Variants in ATAD2B observed in about 807,000 individuals in gnomAD.
ATAD2B encodes the protein ATPase family AAA domain containing 2B, also known as ATPase family AAA domain-containing protein 2B.
ATAD2B carries 40 observed loss-of-function variants against 167.6 expected under a neutral mutation model. The observed-to-expected ratio is 0.24, with a 90% CI of 0.19 to 0.31. ATAD2B has a LOEUF of 0.31. ATAD2B is among the 10% of genes least tolerant of loss of function. The probability of loss-of-function intolerance (pLI) is 1.00; values close to 1 mark genes in which losing one functional copy is unlikely to be tolerated. For missense variants in ATAD2B, 1,242 were observed against 1,757.2 expected (o/e 0.71, Z 5.24); for synonymous variants, 579 against 596.5 (o/e 0.97, Z 0.43).
At chr2:23,773,252 T>C (rs1375327541) in intron 22 of ATAD2B, among the ~76,000 whole-genome samples, 1 of 152,162 alleles carries the variant, frequency 6.6e-6, no homozygotes, top group African/African-American at 2.4e-5. Flanking sequence ...ACATCTGTAA[T>C]CTCAACACTT....
chr2:23,711,603 T>G, the ATAD2B span, among the ~76,000 whole-genome samples: 1 of 152,002 alleles, frequency 6.6e-6, no homozygotes, highest in African/African-American at 2.4e-5. Flanking sequence ...ATTCCTGACC[T>G]CAGGTGATCT....
At chr2:23,724,328 G>A in the ATAD2B span, among the ~76,000 whole-genome samples, 1 of 152,074 alleles carries the variant, frequency 6.6e-6, no homozygotes, top group African/African-American at 2.4e-5. Flanking sequence ...TAATTACCCT[G>A]ATCTGATCAC....
chr2:23,686,995 A>T, the ATAD2B span, among the ~76,000 whole-genome samples: 1 of 152,126 alleles, frequency 6.6e-6, no homozygotes, highest in Non-Finnish European at 1.5e-5. Flanking sequence ...AATCATAGAG[A>T]ATTTCACATT....
chr2:23,863,336 C>A (rs1228382602), intron 12 of ATAD2B, 45 bp downstream of exon 12: 2 of 1,514,906 alleles, frequency 1.3e-6, no homozygotes. Context: ...AAGAAAAGAA[C>A]AGAACAGAAC....
the ATAD2B span, among the ~76,000 whole-genome samples, chr2:23,722,771 C>T: frequency 1.3e-5 from 2 of 151,958 alleles, no homozygotes; most frequent in Admixed American, 1.3e-4. Context: ...CTCCAAGACA[C>T]ATTATAATAA....
At chr2:23,706,652 T>G in the ATAD2B span, 2 of 1,524,686 alleles carry the variant, frequency 1.3e-6, no homozygotes, top group Non-Finnish European at 1.8e-6. Context: ...AGAAATATAT[T>G]CAAAGCGGCT....
the ATAD2B span, among the ~76,000 whole-genome samples, chr2:23,694,883 A>G: frequency 2.0e-5 from 3 of 152,090 alleles, no homozygotes; most frequent in East Asian, 1.9e-4. Context: ...TGAATTTTTC[A>G]TAGCAGATCC....
At chr2:23,821,441 C>T (rs1488969854) in intron 16 of ATAD2B, among the ~76,000 whole-genome samples, 1 of 152,176 alleles carries the variant, frequency 6.6e-6, no homozygotes, top group Non-Finnish European at 1.5e-5. Flanking sequence ...GCCTGGCTCA[C>T]AGATATTCAG....
chr2:23,924,346 TTTACAGACACTGGCAAATGCTTA>T (rs1704406996), intron 1 of ATAD2B, among the ~76,000 whole-genome samples: 1 of 152,288 alleles, frequency 6.6e-6, no homozygotes, highest in African/African-American at 2.4e-5. Context: ...CAAATGAGAC[TTTACAGACACTGGCAAATGCTTA>T]TTACAGACCC....
chr2:23,765,688 A>G, intron 22 of ATAD2B, 60 bp from the exon 23 acceptor site: 1 of 1,105,902 alleles, frequency 9.0e-7, no homozygotes, highest in Non-Finnish European at 1.2e-6. Context: ...TTAACAAAGG[A>G]CATCTTAAAA....
intron 7 of ATAD2B, 141 bp downstream of exon 7, chr2:23,880,498 G>A (rs1697716073): frequency 1.7e-6 from 1 of 591,704 alleles, no homozygotes; most frequent in Non-Finnish European, 3.0e-6. Flanking sequence ...AGGAGGCACA[G>A]CTTGCAGTGA....
downstream of ATAD2B, among the ~76,000 whole-genome samples, chr2:23,747,447 A>C (rs373583063): frequency 7.9e-5 from 12 of 152,030 alleles, no homozygotes; most frequent in Admixed American, 7.2e-4. Context: ...CACACACACA[A>C]AAAAACAAGA....
intron 6 of ATAD2B, among the ~76,000 whole-genome samples, chr2:23,883,245 G>C (rs1698214218): frequency 7.1e-6 from 1 of 139,982 alleles, no homozygotes; most frequent in South Asian, 2.2e-4. Flanking sequence ...GTGACAATGT[G>C]CTCCAGCCTG....
downstream of ATAD2B, among the ~76,000 whole-genome samples, chr2:23,748,002 ATG>A (rs971239038): frequency 2.0e-5 from 3 of 152,162 alleles, no homozygotes; most frequent in African/African-American, 7.2e-5. Flanking sequence ...TGTTAAAAAT[ATG>A]TTTTGCAGGT....
chr2:23,805,731 C>A (rs188159261), intron 18 of ATAD2B, among the ~76,000 whole-genome samples: 92 of 142,500 alleles, frequency 6.5e-4, no homozygotes, highest in African/African-American at 2.3e-3. Context: ...CCAAAAACAT[C>A]AAATAAATTT....
the ATAD2B span, chr2:23,696,156 C>T: frequency 3.1e-5 from 48 of 1,545,144 alleles, no homozygotes; most frequent in Non-Finnish European, 3.7e-5. The surrounding 1 kb of genome is among the most constrained non-coding windows in gnomAD (Gnocchi z 5.5). Context: ...GGGGTTGGGG[C>T]GGGACCAGGC....
At chr2:23,892,036 C>T (rs955685008) in intron 2 of ATAD2B, among the ~76,000 whole-genome samples, 4 of 152,226 alleles carry the variant, frequency 2.6e-5, no homozygotes, top group Admixed American at 2.0e-4. Context: ...ACCACTACCA[C>T]TCCTCAATTC....
intron 19 of ATAD2B, 148 bp from the exon 20 acceptor site, chr2:23,788,795 G>T: frequency 1.4e-6 from 1 of 691,660 alleles, no homozygotes; most frequent in Non-Finnish European, 2.3e-6. Flanking sequence ...CTAGTCCTAG[G>T]CTATGCTGTT....
the ATAD2B span, among the ~76,000 whole-genome samples, chr2:23,734,780 TGGG>T: frequency 6.6e-6 from 1 of 152,160 alleles, no homozygotes; most frequent in Admixed American, 6.5e-5. Flanking sequence ...GAGATGTGGG[TGGG>T]GACACAGACC....
Sources: gnomAD v4.1 joint callset for allele counts (sites outside exome capture counted in the v4.1 genomes callset) on GRCh38, gnomAD v4.1.1 for gene constraint, Gnocchi (gnomAD v3.1) non-coding constraint, MANE v1.5 for transcripts, NCBI Gene and HGNC (gene_info 2026-07-23, HGNC 2026-07-21) for gene names.